Variants in SDK1 observed in about 807,000 individuals in gnomAD.
SDK1 encodes the protein protein sidekick-1.
A neutral mutation model predicts 245.5 loss-of-function variants in SDK1; 157 were observed. The ratio of observed to expected loss-of-function variants is 0.64; its 90% CI spans 0.56 to 0.73. The LOEUF (loss-of-function observed/expected upper bound fraction) is 0.73. Ranked by LOEUF, SDK1 falls within the 30% of genes least tolerant of loss-of-function variation. The pLI is 0.00. For synonymous variants in SDK1, 1,647 were observed against 1,278.5 expected (o/e 1.29, Z -6.15); for missense variants, 3,583 against 3,002.3 (o/e 1.19, Z -4.52).
rs1350683983 is a variant in SDK1, at chr7:3,958,991, T to C, written c.1211T>C (p.Val404Ala). ...ATTTCAGCTGAAGTAGAAGAAACTG[T>C]GGACATCGGATGTCAAGCCATGGGT... ...SRISAEVEETVDIGCQAMGVP... is the reference protein window; with the variant it reads ...SRISAEVEETADIGCQAMGVP... Residue 404 changes from valine to alanine, a missense_variant, in exon 8 of 45, where the codon GTG becomes GCG. Transcript: ENST00000404826. 1 of 1,613,980 alleles carries C rather than the reference T, an allele frequency of 6.2e-7. No individual in the cohort carries two copies. Among genetic ancestry groups the C allele is most frequent in the Non-Finnish European group, 8.5e-7 (1 of 1,179,854 alleles).
chr7:4,145,841 T>G lies in SDK1; in HGVS notation c.4348T>G (p.Phe1450Val), dbSNP rs1338126499. Residue 1450 changes from phenylalanine to valine, a missense_variant, in exon 29 of 45, where the codon TTC (phenylalanine) becomes GTC (valine). By Grantham distance (50) the Phe-to-Val change is conservative. Coordinates refer to ENST00000404826, the MANE Select transcript of SDK1 (RefSeq NM_152744.4). Reference sequence around the variant, plus strand: ...CCTGGCCCCGGAGTCCGCATACATCTTCAGGCTGTCCGCCAAGACGAGGCA... The same window carrying G: ...CCTGGCCCCGGAGTCCGCATACATCGTCAGGCTGTCCGCCAAGACGAGGCA... ...TDLAPESAYI[F>V]RLSAKTRQGW... The G allele has an allele frequency of 3.1e-6, 5 of 1,613,686 alleles. No individual in the cohort carries two copies. Among genetic ancestry groups the G allele is most frequent in the Admixed American group, 1.7e-5 (1 of 59,976 alleles).
chr7:3,613,298 C>T (rs565797185), intron 1 of SDK1, among the ~76,000 whole-genome samples: 1 of 152,188 alleles, frequency 6.6e-6, no homozygotes, highest in Admixed American at 6.5e-5. Flanking sequence ...GGGTCATGGT[C>T]CCTTTCTAGA....
chr7:3,968,060 G>A (rs1009333072), intron 10 of SDK1, among the ~76,000 whole-genome samples: 40 of 152,250 alleles, frequency 2.6e-4, no homozygotes, highest in African/African-American at 8.9e-4. Flanking sequence ...GGGCCTTACC[G>A]TGTCAAGGAC....
At chr7:3,337,467 A>C (rs1780232477) in intron 1 of SDK1, among the ~76,000 whole-genome samples, 1 of 152,136 alleles carries the variant, frequency 6.6e-6, no homozygotes, top group Non-Finnish European at 1.5e-5. Context: ...GGACCAAAAA[A>C]AAAAAATCTG....
chr7:3,432,120 A>AT lies in SDK1; in HGVS notation c.298+130236_298+130237insT, dbSNP rs949216653. Among the ~76,000 whole-genome samples, 209 of 95,094 alleles carry AT rather than the reference A, an allele frequency of 2.2e-3. 3 individuals carry two copies. Among genetic ancestry groups the AT allele is most frequent in the Admixed American group, 1.3e-3 (11 of 8,320 alleles). The allele number at this position is 95,094 out of a possible 152,430, so 62.4% of individuals were successfully genotyped here. ...AGCTTTGCAGGCTGCAGTAAAAAAA[A>AT]AAAAATATATATATGTATTTTATAT... On this transcript the variant is annotated intron_variant, in intron 1 of 44. Coordinates refer to ENST00000404826, the MANE Select transcript of SDK1 (RefSeq NM_152744.4).
intron 1 of SDK1, among the ~76,000 whole-genome samples, chr7:3,475,745 G>A (rs1183708511): frequency 1.3e-5 from 2 of 152,030 alleles, no homozygotes; most frequent in Non-Finnish European, 2.9e-5. Context: ...TGACTCAAAA[G>A]AATGAAGTAT....
At chr7:3,467,029 C>CACAGAGAG (rs1288513856) in intron 1 of SDK1, among the ~76,000 whole-genome samples, 1 of 137,556 alleles carries the variant, frequency 7.3e-6, no homozygotes, top group African/African-American at 2.7e-5. Context: ...CACACACACA[C>CACAGAGAG]AGAGATGTAA....
chr7:4,064,849 C>G lies in SDK1; in HGVS notation c.2912-2989C>G, dbSNP rs543885935. Reference sequence around the variant, plus strand: ...CACTCATAAGTAGTAGCTTAAAAGGCCAATCTCATGGAGATAAGAGAGTAG... The same window carrying G: ...CACTCATAAGTAGTAGCTTAAAAGGGCAATCTCATGGAGATAAGAGAGTAG... On this transcript the variant is annotated intron_variant, in intron 19 of 44. Coordinates refer to ENST00000404826, the MANE Select transcript of SDK1 (RefSeq NM_152744.4). Among the ~76,000 whole-genome samples, 13 of 151,996 alleles carry G rather than the reference C, an allele frequency of 8.6e-5. No homozygotes were observed. In the South Asian group the frequency reaches 1.0e-3, roughly 12 times the overall value.
intron 14 of SDK1, among the ~76,000 whole-genome samples, chr7:4,000,230 A>G (rs1026483439): frequency 7.9e-5 from 12 of 152,250 alleles, no homozygotes; most frequent in African/African-American, 2.9e-4. Flanking sequence ...TGACTAGAGC[A>G]TGCTGAGGCT....
intron 5 of SDK1, among the ~76,000 whole-genome samples, chr7:3,876,561 G>A (rs1781082722): frequency 6.6e-6 from 1 of 152,148 alleles, no homozygotes; most frequent in South Asian, 2.1e-4. Flanking sequence ...ATTTTAAAAT[G>A]TAAAAACAGG....
intron 1 of SDK1, among the ~76,000 whole-genome samples, chr7:3,420,078 G>C (rs1779496337): frequency 6.6e-6 from 1 of 152,132 alleles, no homozygotes; most frequent in African/African-American, 2.4e-5. Context: ...GCAAACTGGA[G>C]AGCTTTCCAT....
chr7:3,722,329 G>A (rs1177067747), intron 4 of SDK1, among the ~76,000 whole-genome samples: 2 of 152,146 alleles, frequency 1.3e-5, no homozygotes, highest in Non-Finnish European at 2.9e-5. Context: ...AAGAGGAGTG[G>A]AGTTTAGGAA....
At chr7:3,634,904 G>C (rs371606386) in intron 2 of SDK1, among the ~76,000 whole-genome samples, 5 of 152,210 alleles carry the variant, frequency 3.3e-5, no homozygotes, top group African/African-American at 1.2e-4. Flanking sequence ...AAGAATTTAA[G>C]ACCTATTTAG....
At chr7:3,472,237 A>G (rs890908901) in intron 1 of SDK1, among the ~76,000 whole-genome samples, 5 of 152,154 alleles carry the variant, frequency 3.3e-5, no homozygotes, top group African/African-American at 9.7e-5. Flanking sequence ...ATCTTTAGCC[A>G]TAGTGCTTTT....
chr7:4,217,685 G>A (rs978842429), intron 38 of SDK1, among the ~76,000 whole-genome samples: 1 of 152,106 alleles, frequency 6.6e-6, no homozygotes. Context: ...TTGGGAATCC[G>A]ATTTTATGGC....
chr7:4,188,295 G>C (rs1036144625), intron 35 of SDK1, among the ~76,000 whole-genome samples: 2 of 152,160 alleles, frequency 1.3e-5, no homozygotes, highest in African/African-American at 4.8e-5. Flanking sequence ...TTGGGCTTAA[G>C]TTTTATTTTT....
At chr7:3,814,104 C>G (rs1779451138) in intron 4 of SDK1, among the ~76,000 whole-genome samples, 1 of 141,234 alleles carries the variant, frequency 7.1e-6, no homozygotes, top group Non-Finnish European at 1.5e-5. Flanking sequence ...TGTGCAGAAG[C>G]TCTTTAGTTT....
chr7:4,164,721 G>A (rs1781389482), intron 32 of SDK1, among the ~76,000 whole-genome samples: 1 of 152,232 alleles, frequency 6.6e-6, no homozygotes, highest in South Asian at 2.1e-4. Flanking sequence ...CAGCCCCAGT[G>A]GACGGTGCAG....
chr7:3,941,385 C>T (rs1054551119), intron 5 of SDK1, among the ~76,000 whole-genome samples: 1 of 152,110 alleles, frequency 6.6e-6, no homozygotes, highest in African/African-American at 2.4e-5. Flanking sequence ...TCTCCATTCC[C>T]TGATGGATCA....
Sources: allele counts gnomAD v4.1 joint callset (sites outside exome capture counted in the v4.1 genomes callset), GRCh38; gene constraint gnomAD v4.1.1; transcripts MANE v1.5; gene names NCBI Gene and HGNC (gene_info 2026-07-23, HGNC 2026-07-21).